FAM53A: variants seen among roughly 807,000 people sequenced by gnomAD.
FAM53A encodes the protein family with sequence similarity 53 member A.
A neutral mutation model predicts 26.6 loss-of-function variants in FAM53A; 28 were observed. That is an observed-to-expected ratio of 1.05 (90% CI 0.78 to 1.45). The LOEUF (loss-of-function observed/expected upper bound fraction) is 1.45, where lower values mean the gene tolerates loss of function less well. FAM53A is among the 40% of genes most tolerant of loss of function. FAM53A has a pLI of 0.00. For synonymous variants in FAM53A, 290 were observed against 253.1 expected (o/e 1.15, Z -1.38); for missense variants, 650 against 575.8 (o/e 1.13, Z -1.32).
At chr4:1,684,877 G>A (rs1715715032), upstream of FAM53A, among the ~76,000 whole-genome samples, 1 of 152,248 alleles carries the variant, frequency 6.6e-6, no homozygotes. Context: ...GGCTCCTTCT[G>A]GCGATAGGCG....
At chr4:1,663,196 A>G (rs1212610022) in intron 2 of FAM53A, among the ~76,000 whole-genome samples, 1 of 152,194 alleles carries the variant, frequency 6.6e-6, no homozygotes, top group African/African-American at 2.4e-5. Flanking sequence ...TGCCTCAAGA[A>G]AAAAAGAGTT....
At chr4:1,605,096 G>C in the FAM53A span, among the ~76,000 whole-genome samples, 1 of 152,234 alleles carries the variant, frequency 6.6e-6, no homozygotes, top group Non-Finnish European at 1.5e-5. This position sits in a 1 kb window ranked among gnomAD's most constrained non-coding sequence, Gnocchi z 5.7. Context: ...CGGGTGTGCA[G>C]GGTGTGCTGT....
At chr4:1,626,347 T>C (rs948319678) in intron 1 of FAM53A, among the ~76,000 whole-genome samples, 1 of 152,204 alleles carries the variant, frequency 6.6e-6, no homozygotes, top group African/African-American at 2.4e-5. Context: ...CAGCAGAAGC[T>C]GACCCAGACA....
At chr4:1,575,735 C>A in the FAM53A span, among the ~76,000 whole-genome samples, 1 of 152,138 alleles carries the variant, frequency 6.6e-6, no homozygotes, top group Non-Finnish European at 1.5e-5. Flanking sequence ...CAATCTCCCT[C>A]CTTGCCAGAG....
chr4:1,679,062 C>T (rs1405242812), intron 1 of FAM53A, among the ~76,000 whole-genome samples: 1 of 152,114 alleles, frequency 6.6e-6, no homozygotes, highest in Non-Finnish European at 1.5e-5. Context: ...CTGCAAAAGA[C>T]ACTGTCAAGA....
chr4:1,623,224 T>A (rs1429401778), intron 1 of FAM53A, among the ~76,000 whole-genome samples: 1 of 152,154 alleles, frequency 6.6e-6, no homozygotes, highest in Non-Finnish European at 1.5e-5. Context: ...GGAGACTGTG[T>A]CCAGCTGCAG....
intron 4 of FAM53A, among the ~76,000 whole-genome samples, chr4:1,654,140 G>T (rs546728587): frequency 6.6e-6 from 1 of 152,338 alleles, no homozygotes; most frequent in African/African-American, 2.4e-5. Context: ...GGCCCTGGCT[G>T]GTACTCAGTT....
chr4:1,663,966 G>A (rs1349743144), intron 2 of FAM53A, among the ~76,000 whole-genome samples: 1 of 152,212 alleles, frequency 6.6e-6, no homozygotes, highest in Non-Finnish European at 1.5e-5. Flanking sequence ...ACACATGGGA[G>A]GGGAGCGCAC....
rs559782841 is a variant in FAM53A at position 1,641,642 on chromosome 4, T to G, written c.883-35A>C. On this transcript the variant is annotated intron_variant, in intron 4 of 4. Transcript: ENST00000308132. ...AAAAGATACGGGCTTAAAGCATTTC[T>G]AGCAGATCACACAGGAGGCAGCATC... is the stretch of plus-strand genomic sequence containing the variant. The G allele has an allele frequency of 6.4e-5, 103 of 1,609,242 alleles. 3 individuals carry two copies. In the South Asian group the frequency reaches 1.0e-3, roughly 16 times the overall value.
the FAM53A span, among the ~76,000 whole-genome samples, chr4:1,604,215 G>C: frequency 6.6e-6 from 1 of 152,242 alleles, no homozygotes; most frequent in Non-Finnish European, 1.5e-5. Flanking sequence ...GTGGATGGGT[G>C]GGGAAGAAGG....
chr4:1,578,386 C>G, the FAM53A span, among the ~76,000 whole-genome samples: 1 of 152,034 alleles, frequency 6.6e-6, no homozygotes, highest in Non-Finnish European at 1.5e-5. Flanking sequence ...CAGGAGGGGC[C>G]GACCAGCCTT....
the FAM53A span, among the ~76,000 whole-genome samples, chr4:1,576,476 G>A: frequency 2.0e-4 from 31 of 152,346 alleles, no homozygotes; most frequent in Admixed American, 4.6e-4. Flanking sequence ...ACGGGGCCGC[G>A]CTTGACTAAT....
the FAM53A span, among the ~76,000 whole-genome samples, chr4:1,604,314 G>A: frequency 6.6e-6 from 1 of 152,206 alleles, no homozygotes; most frequent in South Asian, 2.1e-4. Flanking sequence ...AGATGGGGAG[G>A]GCTCAGGCGG....
At chr4:1,574,697 C>T in the FAM53A span, among the ~76,000 whole-genome samples, 9 of 152,372 alleles carry the variant, frequency 5.9e-5, no homozygotes, top group Admixed American at 1.3e-4. Flanking sequence ...CTTGCACACA[C>T]GGGCACCCCT....
chr4:1,641,564 T>C lies in FAM53A; in HGVS notation c.926A>G (p.Asp309Gly). The C allele has an allele frequency of 6.2e-7, 1 of 1,614,174 alleles. No individual in the cohort carries two copies. Among genetic ancestry groups the C allele is most frequent in the Non-Finnish European group, 8.5e-7 (1 of 1,180,000 alleles). The change falls in exon 5 of 5, where the codon GAT becomes GGT. Residue 309 changes from aspartate (D) to glycine (G), a missense_variant. Asp to Gly is a moderately conservative substitution (Grantham distance 94, BLOSUM62 -1). Transcript: ENST00000308132. Reference sequence around the variant, plus strand: ...CACTGGGGTGTCATCCTCATCGTCATCTTCGTAATTGAGGGAGCAAAGGCT... The same window carrying C: ...CACTGGGGTGTCATCCTCATCGTCACCTTCGTAATTGAGGGAGCAAAGGCT... Reference protein sequence around the residue: ...SKSLCSLNYEDDDEDDTPVKT... With the variant: ...SKSLCSLNYEGDDEDDTPVKT...
intron 1 of FAM53A, among the ~76,000 whole-genome samples, chr4:1,633,932 G>T (rs904271063): frequency 2.0e-5 from 3 of 152,198 alleles, no homozygotes; most frequent in African/African-American, 7.2e-5. Flanking sequence ...CTCACTTCCT[G>T]TTCAGCACCA....
rs1715214930 is a variant in FAM53A, at chr4:1,678,851, C to CT, written c.-165+5381dup. On this transcript the variant is annotated intron_variant, in intron 1 of 4. Transcript: ENST00000308132. Reference sequence around the variant, plus strand: ...AAAAGACATGGAGTGTATGGACCCCCTTCATGAAAACTAACTCAAAATGGA... The same window carrying CT: ...AAAAGACATGGAGTGTATGGACCCCCTTTCATGAAAACTAACTCAAAATGGA... 3.3e-5 allele frequency among the ~76,000 whole-genome samples: 5 copies of CT among 151,862 alleles called. No homozygotes were observed. In the South Asian group the frequency reaches 1.0e-3, roughly 32 times the overall value.
intron 4 of FAM53A, among the ~76,000 whole-genome samples, chr4:1,653,788 A>G (rs1347947709): frequency 6.6e-6 from 1 of 152,228 alleles, no homozygotes; most frequent in African/African-American, 2.4e-5. Flanking sequence ...GTGGCCTAGG[A>G]CTAGCGTCCT....
At chr4:1,604,876 G>A in the FAM53A span, among the ~76,000 whole-genome samples, 5 of 152,082 alleles carry the variant, frequency 3.3e-5, no homozygotes, top group South Asian at 1.0e-3. Context: ...CGCTCCCGCA[G>A]TGCTGTCTGC....
Sources: gnomAD v4.1 joint callset for allele counts (sites outside exome capture counted in the v4.1 genomes callset) on GRCh38, gnomAD v4.1.1 for gene constraint, Gnocchi (gnomAD v3.1) non-coding constraint, MANE v1.5 for transcripts, NCBI Gene and HGNC (gene_info 2026-07-23, HGNC 2026-07-21) for gene names.